The following PACRG variants were observed in gnomAD, a reference collection of about 807,000 sequenced individuals.
The protein encoded by PACRG is parkin coregulated, also known as parkin coregulated gene protein.
A neutral mutation model predicts 29.7 loss-of-function variants in PACRG; 29 were observed. The ratio of observed to expected loss-of-function variants is 0.98; its 90% CI spans 0.73 to 1.33. PACRG has a LOEUF of 1.33. Among genes scored for constraint, PACRG ranks in the 40% most tolerant of loss-of-function variants. The pLI is 0.00. For missense variants in PACRG, 279 were observed against 316.2 expected (o/e 0.88, Z 0.89); for synonymous variants, 116 against 118.7 (o/e 0.98, Z 0.15).
rs575874693 is a variant in PACRG at position 163,220,680 on chromosome 6, TTTAA to T, written c.614-94143_614-94140del. Among the ~76,000 whole-genome samples the T allele has an allele frequency of 2.0e-5, 3 of 152,364 alleles. No individual in the cohort carries two copies. The East Asian group carries it at 5.8e-4, about 29-fold the overall frequency. On this transcript the variant is annotated intron_variant, in intron 4 of 4. Coordinates refer to ENST00000366888, the MANE Select transcript of PACRG (RefSeq NM_001080379.2). ...GAGATAAATATTTGCATATCTTTCC[TTTAA>T]TTATGTTTTTTTAAGAGAGTATGTG...
At chr6:163,046,821 T>A (rs1809450264) in intron 2 of PACRG, 1 of 152,202 alleles carries the variant, frequency 6.6e-6, no homozygotes, top group South Asian at 2.1e-4. Flanking sequence ...GTATATATAT[T>A]TTTTGCTTTA....
intron 1 of PACRG, among the ~76,000 whole-genome samples, chr6:162,735,730 CTCTTTT>C (rs1780117349): frequency 6.6e-6 from 1 of 152,086 alleles, no homozygotes; most frequent in African/African-American, 2.4e-5. Context: ...GCTTTTATTG[CTCTTTT>C]TAAAGTTACA....
chr6:162,771,361 A>C (rs985765675), intron 1 of PACRG, among the ~76,000 whole-genome samples: 5 of 152,172 alleles, frequency 3.3e-5, no homozygotes, highest in African/African-American at 1.2e-4. Flanking sequence ...TCAGTGGTCC[A>C]CCATTCCTCT....
chr6:162,731,145 T>G (rs1009180680), intron 1 of PACRG, among the ~76,000 whole-genome samples: 1 of 152,176 alleles, frequency 6.6e-6, no homozygotes, highest in Non-Finnish European at 1.5e-5. Context: ...TATTAAAGGT[T>G]GAGTATTCCT....
At chr6:163,103,991 A>G (rs899868974) in intron 4 of PACRG, among the ~76,000 whole-genome samples, 2 of 152,208 alleles carry the variant, frequency 1.3e-5, no homozygotes, top group Non-Finnish European at 2.9e-5. Flanking sequence ...GATTGCCAGA[A>G]ATAGCATTTC....
At chr6:163,188,615 T>TTGATTCTAC (rs1780063046) in intron 4 of PACRG, among the ~76,000 whole-genome samples, 3 of 152,218 alleles carry the variant, frequency 2.0e-5, no homozygotes, top group Middle Eastern at 3.2e-3. Context: ...TGAAGACTCT[T>TTGATTCTAC]TGATTCTACA....
intron 2 of PACRG, among the ~76,000 whole-genome samples, chr6:163,032,124 C>A (rs1490340796): frequency 6.6e-6 from 1 of 152,170 alleles, no homozygotes; most frequent in Non-Finnish European, 1.5e-5. Flanking sequence ...AACAAATATG[C>A]TCCAGATTTT....
intron 4 of PACRG, among the ~76,000 whole-genome samples, chr6:163,293,225 T>C (rs556395091): frequency 7.2e-5 from 11 of 152,318 alleles, no homozygotes; most frequent in African/African-American, 2.6e-4. Context: ...TCAGCTGTAA[T>C]GATCGAATAG....
At chr6:163,092,431 C>T (rs899480909) in intron 4 of PACRG, among the ~76,000 whole-genome samples, 1 of 152,174 alleles carries the variant, frequency 6.6e-6, no homozygotes, top group Non-Finnish European at 1.5e-5. Context: ...GCAATGAAAA[C>T]TTAGAGCCAG....
chr6:163,278,676 C>G (rs1334565868), intron 4 of PACRG, among the ~76,000 whole-genome samples: 2 of 152,164 alleles, frequency 1.3e-5, no homozygotes, highest in African/African-American at 4.8e-5. Context: ...GTTCTCTATT[C>G]TGTTCCATTG....
At chr6:162,942,187 T>C (rs998681122) in intron 2 of PACRG, among the ~76,000 whole-genome samples, 1 of 152,238 alleles carries the variant, frequency 6.6e-6, no homozygotes, top group Non-Finnish European at 1.5e-5. Context: ...ATGATCAAAA[T>C]CTTAGGCAAG....
At chr6:162,888,704 G>A (rs747836466) in intron 2 of PACRG, among the ~76,000 whole-genome samples, 1 of 152,190 alleles carries the variant, frequency 6.6e-6, no homozygotes, top group Non-Finnish European at 1.5e-5. Context: ...TGGGTCTGCA[G>A]GGGTCAGAAG....
chr6:163,281,414 G>A (rs908226336), intron 4 of PACRG, among the ~76,000 whole-genome samples: 1 of 152,152 alleles, frequency 6.6e-6, no homozygotes, highest in African/African-American at 2.4e-5. Flanking sequence ...GCAGCAGCTG[G>A]CATGGCTGGA....
chr6:162,912,936 AC>A (rs1040495851), intron 2 of PACRG, among the ~76,000 whole-genome samples: 4 of 152,018 alleles, frequency 2.6e-5, no homozygotes, highest in South Asian at 2.1e-4. Context: ...AAAAAAAAAA[AC>A]AAAATTGGAT....
upstream of PACRG, chr6:162,727,588 C>T: frequency 2.0e-6 from 3 of 1,489,306 alleles, no homozygotes; most frequent in Non-Finnish European, 1.8e-6. Context: ...TCCTGGTCGG[C>T]CGAGGCGGGG....
At chr6:162,745,499 A>G (rs946073808) in intron 1 of PACRG, among the ~76,000 whole-genome samples, 1 of 152,154 alleles carries the variant, frequency 6.6e-6, no homozygotes, top group Admixed American at 6.5e-5. Flanking sequence ...ACATATACCT[A>G]TATAACAAAC....
chr6:163,121,976 C>T lies in PACRG; in HGVS notation c.613+32568C>T, dbSNP rs188230048. ...CACGCCTGGCCGGTGATCTTTTTCT[C>T]TTTCTCTTTTTTCTTTTCACTTGCT... is the stretch of plus-strand genomic sequence containing the variant. On this transcript the variant is annotated intron_variant, in intron 4 of 4. Coordinates refer to ENST00000366888, the MANE Select transcript of PACRG (RefSeq NM_001080379.2). Among the ~76,000 whole-genome samples the T allele has an allele frequency of 4.0e-3, 608 of 152,050 alleles. 2 individuals carry two copies. Among genetic ancestry groups the T allele is most frequent in the Middle Eastern group, 0.017 (5 of 294 alleles).
At chr6:162,878,399 A>C (rs1793553147) in intron 2 of PACRG, among the ~76,000 whole-genome samples, 1 of 152,228 alleles carries the variant, frequency 6.6e-6, no homozygotes, top group Admixed American at 6.5e-5. Flanking sequence ...TCTTTTTTGA[A>C]TAAAGTAATA....
intron 4 of PACRG, among the ~76,000 whole-genome samples, chr6:163,175,520 G>C (rs1779304017): frequency 6.6e-6 from 1 of 152,006 alleles, no homozygotes; most frequent in African/African-American, 2.4e-5. Context: ...AGTTCTTTCT[G>C]GTGGGATGCC....
Sources: gnomAD v4.1 joint callset for allele counts (sites outside exome capture counted in the v4.1 genomes callset) on GRCh38, gnomAD v4.1.1 for gene constraint, MANE v1.5 for transcripts, NCBI Gene and HGNC (gene_info 2026-07-23, HGNC 2026-07-21) for gene names.